DPP10: variants seen among roughly 807,000 people sequenced by gnomAD.
DPP10 encodes inactive dipeptidyl peptidase 10.
Under a neutral mutation model 120.9 loss-of-function variants are expected in DPP10, and 33 were observed. The observed-to-expected ratio is 0.27, with a 90% confidence interval of 0.21 to 0.37. The LOEUF (loss-of-function observed/expected upper bound fraction) is 0.37, where lower values mean the gene tolerates loss of function less well. Ranked by LOEUF, DPP10 falls within the 10% of genes least tolerant of loss-of-function variation. The probability of loss-of-function intolerance (pLI) is 1.00; values close to 1 mark genes in which losing one functional copy is unlikely to be tolerated. For missense variants in DPP10, 816 were observed against 942.8 expected, an observed-to-expected ratio of 0.87 and a Z score of 1.76; for synonymous variants, 337 against 326.1, an observed-to-expected ratio of 1.03 and a Z score of -0.36.
At chr2:115,762,247 G>A (rs1210221999) in intron 11 of DPP10, among the ~76,000 whole-genome samples, 1 of 152,170 alleles carries the variant, frequency 6.6e-6, no homozygotes, top group African/African-American at 2.4e-5. Context: ...GCCTAGAGGT[G>A]AAAAGAGACA....
chr2:114,776,632 G>A (rs1480893181), intron 1 of DPP10, among the ~76,000 whole-genome samples: 1 of 151,988 alleles, frequency 6.6e-6, no homozygotes, highest in African/African-American at 2.4e-5. Flanking sequence ...ATTTTTGGCA[G>A]CTTGAAGTCA....
At chr2:115,415,841 T>TTA (rs70941057) in intron 3 of DPP10, among the ~76,000 whole-genome samples, 14,146 of 74,168 alleles carry the variant, frequency 0.19, 1,328 homozygotes, top group Middle Eastern at 0.28. Context: ...TGATTTGCTT[T>TTA]TATATATATA....
intron 1 of DPP10, among the ~76,000 whole-genome samples, chr2:114,606,408 G>T (rs1013567893): frequency 1.3e-5 from 2 of 152,040 alleles, no homozygotes; most frequent in Non-Finnish European, 2.9e-5. Context: ...CATGCTGCTT[G>T]TATTTCAGTG....
intron 1 of DPP10, among the ~76,000 whole-genome samples, chr2:115,146,392 C>A (rs2051226031): frequency 6.6e-6 from 1 of 152,010 alleles, no homozygotes. Flanking sequence ...TACTTTGTTT[C>A]TATCTTGTAT....
intron 9 of DPP10, among the ~76,000 whole-genome samples, chr2:115,744,784 C>T (rs1677737106): frequency 6.6e-6 from 1 of 150,416 alleles, no homozygotes; most frequent in African/African-American, 2.4e-5. Context: ...ATGCCAATTC[C>T]TTAAACATGG....
intron 5 of DPP10, among the ~76,000 whole-genome samples, chr2:115,663,997 T>TAAG (rs779312338): frequency 2.7e-5 from 4 of 149,606 alleles, no homozygotes; most frequent in African/African-American, 9.9e-5. Context: ...TCCATCTCAA[T>TAAG]AATAATAATA....
intron 1 of DPP10, among the ~76,000 whole-genome samples, chr2:114,912,152 A>C (rs540879920): frequency 6.6e-6 from 1 of 152,300 alleles, no homozygotes; most frequent in African/African-American, 2.4e-5. Context: ...ACACACACAC[A>C]CATGCATATA....
intron 1 of DPP10, among the ~76,000 whole-genome samples, chr2:114,548,070 A>G (rs904063787): frequency 6.6e-6 from 1 of 152,190 alleles, no homozygotes; most frequent in African/African-American, 2.4e-5. Context: ...GTTGGCTAGT[A>G]GATCTGTAGG....
intron 1 of DPP10, chr2:115,145,118 TTTGA>T (rs1303151086): frequency 6.6e-6 from 1 of 152,068 alleles, no homozygotes; most frequent in Non-Finnish European, 1.5e-5. Context: ...CTTTCTTGGC[TTTGA>T]TTCTTTTGTG....
At chr2:114,651,732 A>G (rs1175807289) in intron 1 of DPP10, among the ~76,000 whole-genome samples, 2 of 152,146 alleles carry the variant, frequency 1.3e-5, no homozygotes, top group African/African-American at 2.4e-5. Flanking sequence ...AAAAGAAAAA[A>G]ATTCAACAAT....
At chr2:115,840,328 T>TTTTTG (rs1689995748) in intron 24 of DPP10, among the ~76,000 whole-genome samples, 1 of 119,592 alleles carries the variant, frequency 8.4e-6, no homozygotes, top group African/African-American at 3.2e-5. Context: ...GGTTTTTTTT[T>TTTTTG]TTTTTTTTTT....
intron 1 of DPP10, among the ~76,000 whole-genome samples, chr2:114,816,911 G>T (rs2106342320): frequency 6.6e-6 from 1 of 152,284 alleles, no homozygotes; most frequent in South Asian, 2.1e-4. Flanking sequence ...CTAAAAAGCT[G>T]ACCTGTATGA....
chr2:115,595,850 G>T (rs2082955587), intron 5 of DPP10, among the ~76,000 whole-genome samples: 2 of 151,436 alleles, frequency 1.3e-5, no homozygotes, highest in Admixed American at 1.3e-4. Flanking sequence ...ACATTTCCAT[G>T]TTTTTTATAA....
intron 3 of DPP10, among the ~76,000 whole-genome samples, chr2:115,403,774 G>T (rs963022450): frequency 1.5e-4 from 23 of 152,034 alleles, no homozygotes; most frequent in African/African-American, 5.3e-4. Flanking sequence ...AAAATAAAAG[G>T]CATACTAATA....
chr2:114,942,952 A>G (rs1697071273), intron 1 of DPP10, among the ~76,000 whole-genome samples: 1 of 152,076 alleles, frequency 6.6e-6, no homozygotes, highest in African/African-American at 2.4e-5. Flanking sequence ...CGGAACATGC[A>G]GGTTTCTTAC....
chr2:114,931,210 T>C (rs1696043290), intron 1 of DPP10, among the ~76,000 whole-genome samples: 1 of 152,158 alleles, frequency 6.6e-6, no homozygotes, highest in Non-Finnish European at 1.5e-5. Flanking sequence ...TCTTTGCTTG[T>C]TTGTGTTGTT....
intron 1 of DPP10, among the ~76,000 whole-genome samples, chr2:114,919,654 TC>T (rs1434222831): frequency 1.3e-5 from 2 of 152,200 alleles, no homozygotes; most frequent in Admixed American, 1.3e-4. Context: ...TTTGCAGACA[TC>T]AACAGTTCTG....
chr2:115,714,802 G>C (rs2092435120), intron 7 of DPP10, among the ~76,000 whole-genome samples: 1 of 152,174 alleles, frequency 6.6e-6, no homozygotes, highest in Admixed American at 6.5e-5. Context: ...GGCCAAGGCA[G>C]GTGGATCACG....
At chr2:114,557,111 T>C (rs1688386341) in intron 1 of DPP10, among the ~76,000 whole-genome samples, 2 of 151,612 alleles carry the variant, frequency 1.3e-5, no homozygotes, top group South Asian at 2.1e-4. Flanking sequence ...CAATATGTAA[T>C]CATAAAGAGG....
Sources: allele counts gnomAD v4.1 joint callset (sites outside exome capture counted in the v4.1 genomes callset), GRCh38; gene constraint gnomAD v4.1.1; transcripts MANE v1.5; gene names NCBI Gene and HGNC (gene_info 2026-07-23, HGNC 2026-07-21).